Variants in CERK observed in about 807,000 individuals in gnomAD.
CERK encodes acylsphingosine kinase.
CERK carries 39 observed loss-of-function variants against 63.4 expected under a neutral mutation model. The observed-to-expected ratio is 0.61, with a 90% confidence interval of 0.48 to 0.80. The LOEUF (loss-of-function observed/expected upper bound fraction) is 0.80, where lower values mean the gene tolerates loss of function less well. Ranked by LOEUF, CERK falls within the 30% of genes least tolerant of loss-of-function variation. CERK has a pLI of 0.00. For missense variants in CERK, 670 were observed against 714.1 expected (o/e 0.94, Z 0.70); for synonymous variants, 302 against 280.0 (o/e 1.08, Z -0.78).
At chr22:46,718,189 G>A (rs12158514) in intron 3 of CERK, among the ~76,000 whole-genome samples, 1 of 152,026 alleles carries the variant, frequency 6.6e-6, no homozygotes, top group Non-Finnish European at 1.5e-5. Flanking sequence ...TAGCTACAAG[G>A]AGACTATATC....
Position 46,696,851 on chromosome 22 carries a change from A to T in CERK, c.944-1536T>A, listed in dbSNP as rs377287468. 3.3e-3 allele frequency among the ~76,000 whole-genome samples: 506 copies of T among 152,030 alleles called. 3 individuals are homozygous for T. Among genetic ancestry groups the T allele is most frequent in the African/African-American group, 0.012 (480 of 41,476 alleles). On this transcript the variant is annotated intron_variant, in intron 8 of 12. Transcript: ENST00000216264. ...TGGGCTGAGGGCAAAGGGGGGGGCC[A>T]GGCATGCAGGGGGGCTGCCCACCAC...
At chr22:46,697,179 A>C (rs2082760600) in intron 8 of CERK, among the ~76,000 whole-genome samples, 1 of 152,254 alleles carries the variant, frequency 6.6e-6, no homozygotes, top group Admixed American at 6.5e-5. Flanking sequence ...TTAAGATTTT[A>C]GTATCAGGAA....
chr22:46,687,150 G>A lies in CERK; in HGVS notation c.1598C>T (p.Pro533Leu), dbSNP rs1484629235. Residue 533 changes from proline to leucine, a missense_variant, in exon 13 of 13, where the codon CCA becomes CTA. Coordinates refer to ENST00000216264, the MANE Select transcript of CERK (RefSeq NM_022766.6). ...GCCGGCTTCTCAGCTGTGTGAGTCT[G>A]GCTTCGGATTCTCTTCAATTCCTCG... ...FARGIEENPK[P>L]DSHS 6.2e-7 allele frequency: 1 copy of A among 1,614,134 alleles called. No homozygotes were observed. Among genetic ancestry groups the A allele is most frequent in the Non-Finnish European group, 8.5e-7 (1 of 1,180,016 alleles).
At chr22:46,715,006 A>G (rs1363954436) in intron 3 of CERK, among the ~76,000 whole-genome samples, 1 of 152,196 alleles carries the variant, frequency 6.6e-6, no homozygotes, top group African/African-American at 2.4e-5. Flanking sequence ...AGAAAGTCAT[A>G]CAGTCATCTC....
rs746012734 is a variant in CERK, at chr22:46,690,150, C to G, written c.1383G>C (p.Thr461=). The change falls in exon 12 of 13, where the codon ACG becomes ACC. Residue 461 remains threonine (T), a synonymous_variant. Transcript: ENST00000216264. Reference sequence around the variant, plus strand: ...TGTCCTCATCCTCCATGTGCTTCGACGTAAACTGGAATTTCTTGACGCGAT... The same window carrying G: ...TGTCCTCATCCTCCATGTGCTTCGAGGTAAACTGGAATTTCTTGACGCGAT... ...EVYRVKKFQF[T]SKHMEDEDSD... 6.2e-7 allele frequency: 1 copy of G among 1,613,994 alleles called. No homozygotes were observed. The highest frequency in any genetic ancestry group is 8.5e-7 in the Non-Finnish European group (1 of 1,180,006).
intron 1 of CERK, 34 bp downstream of exon 1, chr22:46,737,973 G>A: frequency 1.7e-6 from 2 of 1,155,766 alleles, no homozygotes. Flanking sequence ...TCCCTGGCCA[G>A]GTCCGGCCGA....
At chr22:46,708,353 G>A (rs2146564993) in intron 5 of CERK, among the ~76,000 whole-genome samples, 1 of 152,382 alleles carries the variant, frequency 6.6e-6, no homozygotes, top group East Asian at 1.9e-4. Flanking sequence ...ATTTGTGGGA[G>A]CAGAGAGGGT....
chr22:46,687,591 C>CCACT (rs1200115371), intron 12 of CERK, among the ~76,000 whole-genome samples: 1 of 152,176 alleles, frequency 6.6e-6, no homozygotes, highest in Non-Finnish European at 1.5e-5. Context: ...ACCCACCCAC[C>CCACT]CACCTCCATT....
intron 1 of CERK, among the ~76,000 whole-genome samples, chr22:46,732,831 G>A (rs111545118): frequency 3.9e-5 from 6 of 152,134 alleles, no homozygotes; most frequent in Admixed American, 6.5e-5. Flanking sequence ...TCCGTGAATC[G>A]CCTACTTATA....
rs376022127 is a variant in CERK, at chr22:46,724,082, C to T, written c.143-3067G>A. ...CCTCCGTCTTCTCCACCTCCACCAC[C>T]GCTAAGACAGCACGACTGATCCCTC... On this transcript the variant is annotated intron_variant, in intron 1 of 12. Coordinates refer to ENST00000216264, the MANE Select transcript of CERK (RefSeq NM_022766.6). Among the ~76,000 whole-genome samples the T allele has an allele frequency of 5.9e-4, 90 of 152,254 alleles. 1 individual carries two copies. The East Asian group carries it at 0.01, about 17-fold the overall frequency.
chr22:46,733,797 T>C (rs2082958055), intron 1 of CERK, among the ~76,000 whole-genome samples: 1 of 151,682 alleles, frequency 6.6e-6, no homozygotes, highest in Non-Finnish European at 1.5e-5. Flanking sequence ...ATCCCAACAC[T>C]TTGGGAGGCC....
At chr22:46,699,269 G>A (rs377176933) in intron 8 of CERK, 44 bp downstream of exon 8, 168 of 1,601,346 alleles carry the variant, frequency 1.0e-4, no homozygotes, top group Non-Finnish European at 1.2e-4. Context: ...GAAGGCAGTC[G>A]GGGCACGACC....
chr22:46,687,716 G>A (rs2146537472), intron 12 of CERK, among the ~76,000 whole-genome samples: 1 of 152,316 alleles, frequency 6.6e-6, no homozygotes, highest in South Asian at 2.1e-4. Context: ...CCCAACGCCA[G>A]CAAGAGCCTT....
At chr22:46,735,695 T>A (rs977456500) in intron 1 of CERK, among the ~76,000 whole-genome samples, 1 of 152,052 alleles carries the variant, frequency 6.6e-6, no homozygotes, top group African/African-American at 2.4e-5. Context: ...CTCAACCTAA[T>A]CAATCCCAGT....
At chr22:46,703,358 T>C (rs1422767423) in intron 6 of CERK, among the ~76,000 whole-genome samples, 2 of 151,062 alleles carry the variant, frequency 1.3e-5, no homozygotes, top group Non-Finnish European at 3.0e-5. Context: ...CTCCTGCCTC[T>C]CCTGCCCCCA....
chr22:46,702,222 T>A (rs1362115525), intron 6 of CERK, among the ~76,000 whole-genome samples: 19 of 64,126 alleles, frequency 3.0e-4, no homozygotes, highest in African/African-American at 1.6e-3. Context: ...AAAATATATA[T>A]ATGTGTGTGT....
chr22:46,732,023 T>G (rs2082947667), intron 1 of CERK, among the ~76,000 whole-genome samples: 1 of 152,084 alleles, frequency 6.6e-6, no homozygotes, highest in Admixed American at 6.5e-5. Context: ...CGGGGCCAGC[T>G]GGAGGCAGAA....
At chr22:46,700,829 C>T (rs999619121) in intron 7 of CERK, among the ~76,000 whole-genome samples, 3 of 152,010 alleles carry the variant, frequency 2.0e-5, no homozygotes, top group Non-Finnish European at 2.9e-5. Flanking sequence ...CTGACCAATA[C>T]GGTGAAACCC....
At chr22:46,700,092 C>CA (rs1435689614) in intron 7 of CERK, among the ~76,000 whole-genome samples, 3 of 148,002 alleles carry the variant, frequency 2.0e-5, no homozygotes, top group East Asian at 4.0e-4. Context: ...GACTCTGTTT[C>CA]AAAAAAAATA....
Sources: gnomAD v4.1 joint callset for allele counts (sites outside exome capture counted in the v4.1 genomes callset) on GRCh38, gnomAD v4.1.1 for gene constraint, MANE v1.5 for transcripts, NCBI Gene and HGNC (gene_info 2026-07-23, HGNC 2026-07-21) for gene names.